CABLES2: variants seen among roughly 807,000 people sequenced by gnomAD.
CABLES2 encodes CDK5 and ABL1 enzyme substrate 2.
Under a neutral mutation model 44.8 loss-of-function variants are expected in CABLES2, and 35 were observed. That is an observed-to-expected ratio of 0.78 (90% CI 0.60 to 1.04). The LOEUF (loss-of-function observed/expected upper bound fraction) is 1.04. Ranked by LOEUF, CABLES2 falls within the 50% of genes least tolerant of loss-of-function variation. The pLI, the probability that CABLES2 is intolerant of heterozygous loss-of-function variation, is 0.00. For missense variants in CABLES2, 566 were observed against 615.7 expected (o/e 0.92, Z 0.85); for synonymous variants, 282 against 281.1 (o/e 1.00, Z -0.03).
Position 62,394,924 on chromosome 20 carries a change from G to A in CABLES2, c.605+13C>T, listed in dbSNP as rs1173705634. ...GATGGACACCGCATGCGAGGCAAGCGCTGAGTACTCACCTGATCCGCAGGC... is the reference window on the plus strand; with the variant it reads ...GATGGACACCGCATGCGAGGCAAGCACTGAGTACTCACCTGATCCGCAGGC... On this transcript the variant is annotated intron_variant, in intron 4 of 9. Transcript: ENST00000279101. The A allele has an allele frequency of 5.6e-6, 9 of 1,611,134 alleles. No homozygotes were observed. The highest frequency in any genetic ancestry group is 1.7e-4 in the Middle Eastern group (1 of 5,994).
chr20:62,398,211 ATGTGATGGTGGTGGTGGTGACGG>A (rs1988111664), intron 1 of CABLES2, among the ~76,000 whole-genome samples: 2 of 22,836 alleles, frequency 8.8e-5, no homozygotes, highest in South Asian at 1.2e-3. Context: ...GGTGATGGTG[ATGTGATGGTGGTGGTGGTGACGG>A]TGGTGATGAT....
At chr20:62,394,476 A>G (rs1987979394) in intron 4 of CABLES2, among the ~76,000 whole-genome samples, 1 of 152,202 alleles carries the variant, frequency 6.6e-6, no homozygotes, top group Non-Finnish European at 1.5e-5. Flanking sequence ...TCCCCAGTAC[A>G]GACACTGGCT....
Position 62,391,562 on chromosome 20 carries a change from G to A in CABLES2, c.1092-109C>T, listed in dbSNP as rs1250778829. On this transcript the variant is annotated intron_variant, in intron 8 of 9. Transcript: ENST00000279101. This position sits in a 1 kb window ranked among gnomAD's most constrained non-coding sequence, Gnocchi z 5.7. ...GGAGCGATGTAGCTTTGGGCCGCAAGAAACACCACCGCATCCTTCAGGGGA... is the reference window on the plus strand; with the variant it reads ...GGAGCGATGTAGCTTTGGGCCGCAAAAAACACCACCGCATCCTTCAGGGGA... 6 of 1,090,280 alleles carry A rather than the reference G, an allele frequency of 5.5e-6. No homozygotes were observed. Among genetic ancestry groups the A allele is most frequent in the Non-Finnish European group, 8.3e-6 (6 of 723,784 alleles). The allele number at this position is 1,090,280 out of a possible 1,614,324, so 67.5% of individuals were successfully genotyped here. A position where few individuals can be genotyped will look rare whatever the true frequency, so the allele number is the denominator to read the frequency against.
intron 6 of CABLES2, 67 bp downstream of exon 6, chr20:62,393,373 T>TC (rs1987955306): frequency 6.8e-7 from 1 of 1,474,820 alleles, no homozygotes; most frequent in African/African-American, 1.4e-5. Flanking sequence ...GCTGCTGCAG[T>TC]CCCTGGGCCG....
In CABLES2 at chr20:62,390,900, G is replaced by A. The variant is rs531941270; in HGVS notation, c.*71C>T. On this transcript the variant is annotated 3_prime_UTR_variant, in exon 10 of 10. Coordinates refer to ENST00000279101, the MANE Select transcript of CABLES2 (RefSeq NM_031215.3). ...TGGGGGTGCTGGCAGGAGGAGGCGC[G>A]GGGCTTCAGTGGGACACCTCCCAGG... 7.0e-6 allele frequency: 11 copies of A among 1,581,006 alleles called. No individual in the cohort carries two copies. The highest frequency in any genetic ancestry group is 1.7e-4 in the Middle Eastern group (1 of 5,814).
At position 62,396,295 on chromosome 20, in the gene CABLES2, T is replaced by C. The variant is rs1252662758; in HGVS notation, c.527+20A>G. ...TATGGAGACCACAGCCCTGGCCCGGTTCCCGGCTCCGCTTCATACCTGCTG... is the reference window on the plus strand; with the variant it reads ...TATGGAGACCACAGCCCTGGCCCGGCTCCCGGCTCCGCTTCATACCTGCTG... On this transcript the variant is annotated intron_variant, in intron 3 of 9. Coordinates refer to ENST00000279101, the MANE Select transcript of CABLES2 (RefSeq NM_031215.3). The surrounding 1 kb of genome is among the most constrained non-coding windows in gnomAD (Gnocchi z 5.7). 2 of 1,609,698 alleles carry C rather than the reference T, an allele frequency of 1.2e-6. No homozygotes were observed. The highest frequency in any genetic ancestry group is 2.7e-5 in the African/African-American group (2 of 74,766).
chr20:62,403,809 A>T (rs1243652440), intron 1 of CABLES2: 1 of 152,260 alleles, frequency 6.6e-6, no homozygotes, highest in South Asian at 2.1e-4. Context: ...TCACTGGTTC[A>T]ACACAAAGTG....
Position 62,394,209 on chromosome 20 carries a change from G to A in CABLES2, c.662C>T (p.Ser221Phe), listed in dbSNP as rs1238848513. 1.2e-6 allele frequency: 2 copies of A among 1,613,632 alleles called. No individual in the cohort carries two copies. Among genetic ancestry groups the A allele is most frequent in the Admixed American group, 1.7e-5 (1 of 60,030 alleles). ...QRHPSGGVSV[S>F]SEMVFELEGV... ...TTCTAGCTCAAAGACCATCTCGGAAGACACAGAGACGCCGCCGGACGGGTG... is the reference window on the plus strand; with the variant it reads ...TTCTAGCTCAAAGACCATCTCGGAAAACACAGAGACGCCGCCGGACGGGTG... Residue 221 changes from serine (S) to phenylalanine (F), a missense_variant, in exon 5 of 10, where the codon TCT becomes TTT. Around this residue, in one of 2 missense-constraint regions of CABLES2, gnomAD observed 436 missense variants for 536.3 expected, o/e 0.81. Coordinates refer to ENST00000279101, the MANE Select transcript of CABLES2 (RefSeq NM_031215.3).
intron 7 of CABLES2, 107 bp downstream of exon 7, chr20:62,392,813 G>T: frequency 3.1e-6 from 3 of 978,044 alleles, no homozygotes; most frequent in Non-Finnish European, 3.2e-6. Context: ...CCGGGATGGG[G>T]GCACGTCACG....
At chr20:62,393,053 G>C (rs751688572) in intron 6 of CABLES2, 30 bp from the exon 7 acceptor site, 8 of 1,587,576 alleles carry the variant, frequency 5.0e-6, no homozygotes, top group Non-Finnish European at 6.9e-6. Context: ...TGACCCACCA[G>C]GAGTCTTGAG....
intron 1 of CABLES2, among the ~76,000 whole-genome samples, chr20:62,399,901 G>T (rs1435584223): frequency 6.6e-6 from 1 of 152,184 alleles, no homozygotes; most frequent in African/African-American, 2.4e-5. Context: ...ATAACGAAGT[G>T]TGAAATAGCT....
chr20:62,398,163 A>G (rs1320557429), intron 1 of CABLES2, among the ~76,000 whole-genome samples: 58 of 50,820 alleles, frequency 1.1e-3, no homozygotes, highest in African/African-American at 4.9e-3. Context: ...GGTGACGGTG[A>G]TGGTGGTAAT....
rs1156672445 is a variant in CABLES2, at chr20:62,396,437, T to C, written c.435-30A>G. The C allele has an allele frequency of 3.1e-6, 5 of 1,613,548 alleles. No individual in the cohort carries two copies. Among genetic ancestry groups the C allele is most frequent in the Non-Finnish European group, 4.2e-6 (5 of 1,179,602 alleles). On this transcript the variant is annotated intron_variant, in intron 2 of 9. Coordinates refer to ENST00000279101, the MANE Select transcript of CABLES2 (RefSeq NM_031215.3). The surrounding 1 kb of genome is among the most constrained non-coding windows in gnomAD (Gnocchi z 5.7). ...AAGGCAAAGGACACAGGTCACTCTT[T>C]TCCTCCCAGGACCCTCTGGCCCCGC...
intron 1 of CABLES2, among the ~76,000 whole-genome samples, chr20:62,399,747 C>T (rs1988154639): frequency 6.6e-6 from 1 of 151,896 alleles, no homozygotes; most frequent in Non-Finnish European, 1.5e-5. Flanking sequence ...GCGCCTGTCA[C>T]CATGCCTGGC....
At position 62,391,287 on chromosome 20, in the gene CABLES2, T is replaced by G; in HGVS notation, c.1258A>C (p.Ser420Arg). The G allele has an allele frequency of 3.7e-6, 6 of 1,612,912 alleles. No homozygotes were observed. Among genetic ancestry groups the G allele is most frequent in the Non-Finnish European group, 5.1e-6 (6 of 1,179,964 alleles). ...ACVLLAAKIS[S>R]DLRKSGVTQL... ...GTCACGCCGCTCTTGCGCAGGTCAC[T>G]GCTGATCTTGGCAGCCAGCAGCACG... The change falls in exon 9 of 10, where the codon AGT becomes CGT. Residue 420 changes from serine (S) to arginine (R), a missense_variant. Ser to Arg is a moderately radical substitution (Grantham distance 110). Coordinates refer to ENST00000279101, the MANE Select transcript of CABLES2 (RefSeq NM_031215.3). The surrounding 1 kb of genome is among the most constrained non-coding windows in gnomAD (Gnocchi z 5.7).
At chr20:62,395,521 G>A (rs946962432) in intron 3 of CABLES2, among the ~76,000 whole-genome samples, 3 of 152,218 alleles carry the variant, frequency 2.0e-5, no homozygotes, top group Non-Finnish European at 2.9e-5. Flanking sequence ...CAAGGCGCTC[G>A]AGCAGCCGGG....
In CABLES2 at chr20:62,391,169, C is replaced by G. The variant is rs1413674788; in HGVS notation, c.1297-58G>C. The G allele has an allele frequency of 1.2e-6, 2 of 1,604,836 alleles. No homozygotes were observed. The highest frequency in any genetic ancestry group is 1.3e-5 in the African/African-American group (1 of 74,798). ...AGCCTTCCCTCTTCCACATTTCCCA[C>G]CCGGCCAGCCCCATCCCAGCAGTGG... On this transcript the variant is annotated intron_variant, in intron 9 of 9. Coordinates refer to ENST00000279101, the MANE Select transcript of CABLES2 (RefSeq NM_031215.3). This position sits in a 1 kb window ranked among gnomAD's most constrained non-coding sequence, Gnocchi z 5.7.
At chr20:62,397,612 C>T (rs1436990808) in intron 1 of CABLES2, among the ~76,000 whole-genome samples, 1 of 152,178 alleles carries the variant, frequency 6.6e-6, no homozygotes, top group East Asian at 1.9e-4. Context: ...TCACGCAACT[C>T]CAAGTGCAGA....
Position 62,394,185 on chromosome 20 carries a change from T to G in CABLES2, c.686A>C (p.Glu229Ala). The G allele has an allele frequency of 6.2e-7, 1 of 1,613,502 alleles. No individual in the cohort carries two copies. The highest frequency in any genetic ancestry group is 1.6e-4 in the Middle Eastern group (1 of 6,062). Residue 229 changes from glutamate to alanine, a missense_variant, in exon 5 of 10, where the codon GAA (glutamate) becomes GCA (alanine). By Grantham distance (107) the Glu-to-Ala change is moderately radical. This residue lies in a region of CABLES2 where 436 missense variants were observed against 536.3 expected (regional missense o/e 0.81). Transcript: ENST00000279101. ...SVSSEMVFEL[E>A]GVELGADGKV... ...CCCGTCTGCTCCTAGCTCCACACCTTCTAGCTCAAAGACCATCTCGGAAGA... is the reference window on the plus strand; with the variant it reads ...CCCGTCTGCTCCTAGCTCCACACCTGCTAGCTCAAAGACCATCTCGGAAGA...
Sources: allele counts gnomAD v4.1 joint callset (sites outside exome capture counted in the v4.1 genomes callset), GRCh38; gene constraint gnomAD v4.1.1; regional missense constraint gnomAD v4.1.1; non-coding constraint Gnocchi (gnomAD v3.1); transcripts MANE v1.5; gene names NCBI Gene and HGNC (gene_info 2026-07-23, HGNC 2026-07-21).